The following FAM135A variants were observed in gnomAD, a reference collection of about 807,000 sequenced individuals.
FAM135A encodes family with sequence similarity 135 member A.
FAM135A carries 79 observed loss-of-function variants against 146.8 expected under a neutral mutation model. That is an observed-to-expected ratio of 0.54 (90% CI 0.45 to 0.65). The LOEUF (loss-of-function observed/expected upper bound fraction) is 0.65, where lower values mean the gene tolerates loss of function less well. Ranked by LOEUF, FAM135A falls within the 30% of genes least tolerant of loss-of-function variation. FAM135A has a pLI of 0.00. For synonymous variants in FAM135A, 562 were observed against 603.6 expected (o/e 0.93, Z 1.01); for missense variants, 1,623 against 1,758.2 (o/e 0.92, Z 1.38).
chr6:70,507,067 A>G (rs1789937908), intron 12 of FAM135A, among the ~76,000 whole-genome samples: 1 of 152,138 alleles, frequency 6.6e-6, no homozygotes, highest in Non-Finnish European at 1.5e-5. Flanking sequence ...TTAGAATACC[A>G]AAGATAAACT....
At chr6:70,473,710 C>G (rs988621654) in intron 5 of FAM135A, among the ~76,000 whole-genome samples, 1 of 152,134 alleles carries the variant, frequency 6.6e-6, no homozygotes, top group African/African-American at 2.4e-5. Context: ...TGGACCTCCT[C>G]CTTACCCCAC....
chr6:70,518,249 G>A (rs1275006409), intron 12 of FAM135A, among the ~76,000 whole-genome samples: 3 of 152,188 alleles, frequency 2.0e-5, no homozygotes, highest in African/African-American at 4.8e-5. Flanking sequence ...AGTGCCTTAA[G>A]TCAAAGCCTA....
At chr6:70,466,434 G>C (rs1031025688) in intron 5 of FAM135A, among the ~76,000 whole-genome samples, 1 of 152,190 alleles carries the variant, frequency 6.6e-6, no homozygotes, top group African/African-American at 2.4e-5. Context: ...AAACCCAGCT[G>C]TGTAAGATAG....
At chr6:70,526,745 A>G in intron 15 of FAM135A, 47 bp downstream of exon 15, 1 of 1,099,542 alleles carries the variant, frequency 9.1e-7, no homozygotes, top group Non-Finnish European at 1.3e-6. Flanking sequence ...ATATACATAT[A>G]TATATACACA....
chr6:70,455,959 C>T (rs112776901), intron 5 of FAM135A, among the ~76,000 whole-genome samples: 7,033 of 152,230 alleles, frequency 0.046, 360 homozygotes, highest in African/African-American at 0.11. Context: ...TCAAGCAATT[C>T]TCTTGTCTCA....
chr6:70,526,802 C>CACACACATAT, intron 15 of FAM135A, 104 bp downstream of exon 15: 1 of 527,862 alleles, frequency 1.9e-6, no homozygotes, highest in African/African-American at 2.3e-5. Flanking sequence ...CACACACACA[C>CACACACATAT]ATATATATAT....
At chr6:70,464,833 ATTTT>A (rs67408160) in intron 5 of FAM135A, among the ~76,000 whole-genome samples, 7,082 of 63,450 alleles carry the variant, frequency 0.11, 286 homozygotes, top group Middle Eastern at 0.17. Context: ...CGCCTGGCCA[ATTTT>A]TTTTTTTTTT....
chr6:70,514,157 A>G (rs1473081427), intron 12 of FAM135A, among the ~76,000 whole-genome samples: 1 of 151,944 alleles, frequency 6.6e-6, no homozygotes, highest in African/African-American at 2.4e-5. Flanking sequence ...ATATTATATC[A>G]TTTGATACTC....
chr6:70,477,596 A>G (rs1040342766), intron 8 of FAM135A, among the ~76,000 whole-genome samples: 30 of 152,070 alleles, frequency 2.0e-4, no homozygotes, highest in Non-Finnish European at 2.9e-5. Context: ...ACACTTTTAA[A>G]TAACTAGATC....
intron 2 of FAM135A, among the ~76,000 whole-genome samples, chr6:70,419,509 G>A (rs1768302421): frequency 6.6e-6 from 1 of 152,102 alleles, no homozygotes; most frequent in Non-Finnish European, 1.5e-5. Context: ...AGACTACCTA[G>A]TATTAAATGT....
At chr6:70,481,136 A>T in intron 9 of FAM135A, 109 bp downstream of exon 9, 1 of 1,025,806 alleles carries the variant, frequency 9.7e-7, no homozygotes, top group Non-Finnish European at 1.3e-6. Context: ...CAGCTCAGCA[A>T]CTTATAGATC....
intron 4 of FAM135A, among the ~76,000 whole-genome samples, chr6:70,440,470 T>C (rs1774208739): frequency 6.6e-6 from 1 of 152,160 alleles, no homozygotes; most frequent in African/African-American, 2.4e-5. Flanking sequence ...GAAGATCACC[T>C]GAGGTCAGGA....
At chr6:70,521,415 A>C (rs75170426) in intron 12 of FAM135A, among the ~76,000 whole-genome samples, 19,147 of 152,210 alleles carry the variant, frequency 0.13, 1,478 homozygotes, top group Middle Eastern at 0.19. Flanking sequence ...GGAGAGGGGA[A>C]AAAAGCATTT....
Position 70,525,128 on chromosome 6 carries a change from C to A in FAM135A, c.2044C>A (p.Leu682Ile). ...ITVKLGPWTELRQEEILVDNL... is the reference protein window; with the variant it reads ...ITVKLGPWTEIRQEEILVDNL... The stretch of plus-strand genomic sequence containing the variant: ...TGTCAAACTAGGACCTTGGACAGAG[C>A]TTCGACAAGAGGAAATACTTGTGGA... The change falls in exon 15 of 22, where the codon CTT becomes ATT. Residue 682 changes from leucine to isoleucine, a missense_variant. Transcript: ENST00000418814. The A allele has an allele frequency of 6.4e-7, 1 of 1,565,988 alleles. No homozygotes were observed.
chr6:70,547,252 T>G (rs1326653022), intron 20 of FAM135A, among the ~76,000 whole-genome samples: 2 of 152,184 alleles, frequency 1.3e-5, no homozygotes, highest in African/African-American at 4.8e-5. Context: ...TTTTGATATG[T>G]AAATAATATG....
rs538602599 is a variant in FAM135A at position 70,554,328 on chromosome 6, G to A, written c.4229-2422G>A. 2.1e-4 allele frequency among the ~76,000 whole-genome samples: 32 copies of A among 152,322 alleles called. No individual in the cohort carries two copies. In the South Asian group the frequency reaches 6.6e-3, roughly 32 times the overall value. On this transcript the variant is annotated intron_variant, in intron 20 of 21. Coordinates refer to ENST00000418814, the MANE Select transcript of FAM135A (RefSeq NM_001162529.3). ...CTGAAATAACCATTGTATTTCGGAT[G>A]TAAATTCAGGCTACCAGGTAGAATT...
intron 12 of FAM135A, among the ~76,000 whole-genome samples, chr6:70,507,357 C>T (rs1790021203): frequency 1.3e-5 from 2 of 152,046 alleles, no homozygotes; most frequent in African/African-American, 2.4e-5. Flanking sequence ...GCTAAGCCTA[C>T]AGGAACTGAA....
At chr6:70,510,257 G>A (rs1790693712) in intron 12 of FAM135A, among the ~76,000 whole-genome samples, 1 of 151,814 alleles carries the variant, frequency 6.6e-6, no homozygotes, top group African/African-American at 2.4e-5. Context: ...ATTTTGTTGG[G>A]GGGCGGGTGG....
intron 11 of FAM135A, among the ~76,000 whole-genome samples, chr6:70,502,397 A>G (rs1422009842): frequency 6.6e-6 from 1 of 152,184 alleles, no homozygotes; most frequent in Non-Finnish European, 1.5e-5. Context: ...AGTTAACAAG[A>G]CATCTTAGAT....
Sources: allele counts gnomAD v4.1 joint callset (sites outside exome capture counted in the v4.1 genomes callset), GRCh38; gene constraint gnomAD v4.1.1; transcripts MANE v1.5; gene names NCBI Gene and HGNC (gene_info 2026-07-23, HGNC 2026-07-21).